Variants in ZNF257 observed in about 807,000 individuals in gnomAD.
The protein encoded by ZNF257 is bone marrow zinc finger 4.
ZNF257 carries 12 observed loss-of-function variants against 11.9 expected under a neutral mutation model. The observed-to-expected ratio is 1.01, with a 90% CI of 0.65 to 1.63. ZNF257 has a LOEUF of 1.63. ZNF257 is among the 40% of genes most tolerant of loss of function. The pLI is 0.00. For missense variants in ZNF257, 580 were observed against 665.5 expected (o/e 0.87, Z 1.41); for synonymous variants, 183 against 222.7 (o/e 0.82, Z 1.59).
chr19:22,071,533 C>T (rs953820340), intron 1 of ZNF257, among the ~76,000 whole-genome samples: 1 of 151,932 alleles, frequency 6.6e-6, no homozygotes, highest in East Asian at 1.9e-4. Context: ...TCCACTCTGC[C>T]TTCTGAAATG....
intron 1 of ZNF257, among the ~76,000 whole-genome samples, chr19:22,061,442 ATTG>A (rs1328173438): frequency 1.3e-5 from 2 of 152,070 alleles, no homozygotes; most frequent in Non-Finnish European, 2.9e-5. Flanking sequence ...TAGCTCAGAT[ATTG>A]TTGATGTACA....
At position 22,089,701 on chromosome 19, in the gene ZNF257, G is replaced by A; in HGVS notation, c.*259G>A. 1.2e-6 allele frequency: 1 copy of A among 815,282 alleles called. No homozygotes were observed. The highest frequency in any genetic ancestry group is 1.8e-6 in the Non-Finnish European group (1 of 571,352). 50.5% of individuals were successfully genotyped at this position (815,282 alleles called of 1,614,324 possible). A position where few individuals can be genotyped will look rare whatever the true frequency, so the allele number is the denominator to read the frequency against. Reference sequence around the variant, plus strand: ...CATGAGAACACATGTGGAAGATAAAGCCTACAAATATGAAGAATGTGACAA... The same window carrying A: ...CATGAGAACACATGTGGAAGATAAAACCTACAAATATGAAGAATGTGACAA... On this transcript the variant is annotated 3_prime_UTR_variant, in exon 4 of 4. Transcript: ENST00000594947.
chr19:22,061,668 A>G lies in ZNF257; in HGVS notation c.3+9033A>G, dbSNP rs1164589153. 2.7e-5 allele frequency among the ~76,000 whole-genome samples: 4 copies of G among 149,304 alleles called. No homozygotes were observed. In the East Asian group the frequency reaches 7.8e-4, roughly 29 times the overall value. The stretch of plus-strand genomic sequence containing the variant: ...TTGCTGTGGCTAGGACTTCCAATCT[A>G]TGTTGAATAGGAGTGGTGAGAGAAG... On this transcript the variant is annotated intron_variant, in intron 1 of 3. Transcript: ENST00000594947.
At chr19:22,083,728 G>A (rs970426121) in intron 3 of ZNF257, among the ~76,000 whole-genome samples, 3 of 152,098 alleles carry the variant, frequency 2.0e-5, no homozygotes, top group Middle Eastern at 3.2e-3. Context: ...TCCTAGTGGT[G>A]TAACTTCTTT....
chr19:22,074,983 T>C (rs1200786157), intron 3 of ZNF257, among the ~76,000 whole-genome samples: 1 of 152,216 alleles, frequency 6.6e-6, no homozygotes, highest in Non-Finnish European at 1.5e-5. Flanking sequence ...ATTTGGTGTC[T>C]GTGAATTTGA....
In ZNF257 at chr19:22,089,426, C is replaced by T. The variant is rs762355515; in HGVS notation, c.1676C>T (p.Thr559Ile). The change falls in exon 4 of 4, where the codon ACT becomes ATT. Residue 559 changes from threonine to isoleucine, a missense_variant. Coordinates refer to ENST00000594947, the MANE Select transcript of ZNF257 (RefSeq NM_033468.4). ...GCTTGTAACCATTCCTCAAACCTTACTAAACATAATTCATAATGGAGAAAA... is the reference window on the plus strand; with the variant it reads ...GCTTGTAACCATTCCTCAAACCTTATTAAACATAATTCATAATGGAGAAAA... The part of the protein sequence containing the change: ...GKACNHSSNL[T>I]KHNS 4 of 1,608,482 alleles carry T rather than the reference C, an allele frequency of 2.5e-6. No homozygotes were observed. The highest frequency in any genetic ancestry group is 3.4e-5 in the Admixed American group (2 of 59,068).
intron 3 of ZNF257, among the ~76,000 whole-genome samples, chr19:22,078,316 A>G (rs1289632453): frequency 6.7e-6 from 1 of 150,308 alleles, no homozygotes. Flanking sequence ...TTTTTATGCA[A>G]TTCTCTACAA....
chr19:22,062,515 C>T (rs2021831700), intron 1 of ZNF257, among the ~76,000 whole-genome samples: 1 of 149,782 alleles, frequency 6.7e-6, no homozygotes, highest in African/African-American at 2.4e-5. Context: ...AGAGTTTCCT[C>T]CTTGTTGCCC....
At chr19:22,085,689 T>C (rs1042430778) in intron 3 of ZNF257, among the ~76,000 whole-genome samples, 4 of 139,652 alleles carry the variant, frequency 2.9e-5, no homozygotes, top group East Asian at 2.0e-4. Flanking sequence ...CACACACACA[T>C]GCACACACAC....
intron 1 of ZNF257, among the ~76,000 whole-genome samples, chr19:22,071,502 T>C (rs1266278298): frequency 3.3e-5 from 5 of 151,778 alleles, no homozygotes; most frequent in African/African-American, 1.2e-4. Flanking sequence ...CAACTAAACA[T>C]GTCTCATATC....
Position 22,089,333 on chromosome 19 carries a change from C to T in ZNF257, c.1583C>T (p.Ser528Leu). Residue 528 changes from serine (S) to leucine (L), a missense_variant, in exon 4 of 4, where the codon TCA becomes TTA. Coordinates refer to ENST00000594947, the MANE Select transcript of ZNF257 (RefSeq NM_033468.4). ...TGTGGCAAGCCTTTTAATCGTTTCTCATACCTTACCGTACATAAGAGAATT... is the reference window on the plus strand; with the variant it reads ...TGTGGCAAGCCTTTTAATCGTTTCTTATACCTTACCGTACATAAGAGAATT... ...EECGKPFNRF[S>L]YLTVHKRIHA... is the part of the protein sequence containing the mutation. 1 of 1,613,732 alleles carries T rather than the reference C, an allele frequency of 6.2e-7. No homozygotes were observed. Among genetic ancestry groups the T allele is most frequent in the Non-Finnish European group, 8.5e-7 (1 of 1,179,826 alleles).
chr19:22,072,994 AT>A (rs200588824), intron 2 of ZNF257, 59 bp downstream of exon 2: 23,133 of 1,107,800 alleles, frequency 0.021, no homozygotes, highest in South Asian at 0.028. Context: ...TTTTTTATTT[AT>A]TTTTTTTTTT....
intron 1 of ZNF257, among the ~76,000 whole-genome samples, chr19:22,067,981 G>C (rs899218627): frequency 1.3e-5 from 2 of 150,536 alleles, no homozygotes; most frequent in Non-Finnish European, 2.9e-5. Flanking sequence ...TATAACTTAA[G>C]CTGTAAACCT....
chr19:22,069,933 G>A (rs1233794733), intron 1 of ZNF257, among the ~76,000 whole-genome samples: 1 of 152,048 alleles, frequency 6.6e-6, no homozygotes, highest in African/African-American at 2.4e-5. Flanking sequence ...ATTCTACATA[G>A]GCTCCACTCC....
chr19:22,073,286 G>A (rs1445498648), intron 2 of ZNF257, among the ~76,000 whole-genome samples, 183 bp from the exon 3 acceptor site: 1 of 151,926 alleles, frequency 6.6e-6, no homozygotes, highest in Non-Finnish European at 1.5e-5. Context: ...GTAGTACTGG[G>A]TAGTGAATTA....
At chr19:22,078,014 C>T (rs938167217) in intron 3 of ZNF257, among the ~76,000 whole-genome samples, 12 of 150,516 alleles carry the variant, frequency 8.0e-5, no homozygotes, top group Non-Finnish European at 1.6e-4. Context: ...CCAAGGTGGG[C>T]GGATCACAAG....
At chr19:22,073,325 A>T in intron 2 of ZNF257, 144 bp from the exon 3 acceptor site, 3 of 1,060,628 alleles carry the variant, frequency 2.8e-6, no homozygotes, top group Non-Finnish European at 3.8e-6. Context: ...GTATTTTCTA[A>T]ATATTTAGAA....
intron 1 of ZNF257, among the ~76,000 whole-genome samples, chr19:22,063,862 A>G (rs1335190482): frequency 6.6e-6 from 1 of 152,226 alleles, no homozygotes; most frequent in African/African-American, 2.4e-5. Context: ...GTAGATATCC[A>G]TTAGGACTAT....
rs2022613659 is a variant in ZNF257 at position 22,091,019 on chromosome 19, A to G, written c.*1577A>G. On this transcript the variant is annotated 3_prime_UTR_variant, in exon 4 of 4. Transcript: ENST00000594947. Reference sequence around the variant, plus strand: ...ATGAGAGAAAAACATTTTTAATTTTAGTTAAATGTAAGTTAAAATTAAAAT... The same window carrying G: ...ATGAGAGAAAAACATTTTTAATTTTGGTTAAATGTAAGTTAAAATTAAAAT... 6.6e-6 allele frequency: 1 copy of G among 152,190 alleles called. No homozygotes were observed. Among genetic ancestry groups the G allele is most frequent in the Non-Finnish European group, 1.5e-5 (1 of 68,036 alleles). The allele number at this position is 152,190 out of a possible 1,614,324, so 9.4% of individuals were successfully genotyped here.
Sources: allele counts gnomAD v4.1 joint callset (sites outside exome capture counted in the v4.1 genomes callset), GRCh38; gene constraint gnomAD v4.1.1; transcripts MANE v1.5; gene names NCBI Gene and HGNC (gene_info 2026-07-23, HGNC 2026-07-21).